Variants in AKAP7 observed in about 807,000 individuals in gnomAD.
AKAP7 encodes the protein A-kinase anchoring protein 7.
AKAP7 carries 39 observed loss-of-function variants against 39.5 expected under a neutral mutation model. The ratio of observed to expected loss-of-function variants is 0.99; its 90% CI spans 0.76 to 1.29. The LOEUF (loss-of-function observed/expected upper bound fraction) is 1.29. Among genes scored for constraint, AKAP7 ranks in the 50% most tolerant of loss-of-function variants. The probability of loss-of-function intolerance (pLI) is 0.00; values close to 1 mark genes in which losing one functional copy is unlikely to be tolerated. For synonymous variants in AKAP7, 140 were observed against 139.1 expected (o/e 1.01, Z -0.05); for missense variants, 414 against 407.7 (o/e 1.02, Z -0.13).
chr6:131,200,374 A>G (rs1197850215), intron 6 of AKAP7, among the ~76,000 whole-genome samples: 2 of 152,166 alleles, frequency 1.3e-5, no homozygotes, highest in African/African-American at 4.8e-5. Flanking sequence ...GCCTGCTCTC[A>G]TATACCAGAG....
chr6:131,190,141 A>G (rs1419851824), intron 5 of AKAP7, among the ~76,000 whole-genome samples: 1 of 152,224 alleles, frequency 6.6e-6, no homozygotes, highest in Non-Finnish European at 1.5e-5. Context: ...ATTAAGAAGT[A>G]CTTTTCAAAA....
chr6:131,209,504 CCTCCCAAAGTGCT>C (rs985391534), intron 6 of AKAP7, among the ~76,000 whole-genome samples: 6 of 152,268 alleles, frequency 3.9e-5, no homozygotes, highest in Admixed American at 3.9e-4. Context: ...CCCGCCTCGG[CCTCCCAAAGTGCT>C]GGGATTACAA....
At chr6:131,258,200 A>T (rs1437767354) in intron 7 of AKAP7, among the ~76,000 whole-genome samples, 1 of 152,222 alleles carries the variant, frequency 6.6e-6, no homozygotes, top group Non-Finnish European at 1.5e-5. Flanking sequence ...CCCATGATTC[A>T]GAAAACTCTG....
intron 2 of AKAP7, among the ~76,000 whole-genome samples, chr6:131,152,755 A>C (rs551511301): frequency 1.5e-3 from 218 of 143,418 alleles, no homozygotes; most frequent in African/African-American, 5.5e-3. Flanking sequence ...TGAACCTGGG[A>C]GGTGGAGGTT....
rs538772962 is a variant in AKAP7, at chr6:131,215,014, G to T, written c.703-4647G>T. Among the ~76,000 whole-genome samples, 8 of 148,092 alleles carry T rather than the reference G, an allele frequency of 5.4e-5. No individual in the cohort carries two copies. In the South Asian group the frequency reaches 1.5e-3, roughly 27 times the overall value. The stretch of plus-strand genomic sequence containing the variant: ...ATCTGTGGATAATAGTGTTATTGTG[G>T]TTATTAAATGAGTTCAGAAAAGTTC... On this transcript the variant is annotated intron_variant, in intron 6 of 7. Transcript: ENST00000431975.
At chr6:131,252,562 G>A (rs1812525605) in intron 7 of AKAP7, among the ~76,000 whole-genome samples, 1 of 152,144 alleles carries the variant, frequency 6.6e-6, no homozygotes, top group Non-Finnish European at 1.5e-5. Context: ...CTAAAGATAG[G>A]CTTCTGTGCC....
chr6:131,168,444 A>AAGAG lies in AKAP7; in HGVS notation c.429-652_429-649dup, dbSNP rs374239226. On this transcript the variant is annotated intron_variant, in intron 4 of 7. Coordinates refer to ENST00000431975, the MANE Select transcript of AKAP7 (RefSeq NM_016377.4). ...AGAGAAAGAGACAGAAGGAGACAGA[A>AAGAG]AGAGAGAGAGAGAGAGAGAGGGAGA... 5.4e-3 allele frequency among the ~76,000 whole-genome samples: 805 copies of AAGAG among 148,856 alleles called. 1 individual carries two copies. Among genetic ancestry groups the AAGAG allele is most frequent in the Middle Eastern group, 0.014 (4 of 282 alleles).
At chr6:131,153,871 A>G (rs115082107) in intron 2 of AKAP7, among the ~76,000 whole-genome samples, 16 of 152,304 alleles carry the variant, frequency 1.1e-4, no homozygotes, top group African/African-American at 3.8e-4. Context: ...TGAGCAATAT[A>G]CTATCTACAT....
chr6:131,163,728 T>C (rs1803208626), intron 3 of AKAP7, among the ~76,000 whole-genome samples: 1 of 152,292 alleles, frequency 6.6e-6, no homozygotes. Context: ...TATGAAAATA[T>C]GTGTTTCCAT....
chr6:131,240,300 G>A (rs2327102), intron 7 of AKAP7, among the ~76,000 whole-genome samples: 43,510 of 152,120 alleles, frequency 0.29, 6,713 homozygotes, highest in Middle Eastern at 0.39. Flanking sequence ...GGCCGTGTGA[G>A]GTGTCAGTCT....
chr6:131,141,727 C>T (rs1801045837), intron 1 of AKAP7, among the ~76,000 whole-genome samples: 1 of 152,046 alleles, frequency 6.6e-6, no homozygotes, highest in African/African-American at 2.4e-5. Flanking sequence ...GCCCATCTGA[C>T]AAGGTTGGAG....
At chr6:131,227,109 G>A (rs1810235084) in intron 7 of AKAP7, among the ~76,000 whole-genome samples, 1 of 152,184 alleles carries the variant, frequency 6.6e-6, no homozygotes, top group African/African-American at 2.4e-5. Flanking sequence ...GGAGAGTAGG[G>A]GGATAGGGGA....
At chr6:131,158,652 T>A (rs76119607) in intron 2 of AKAP7, among the ~76,000 whole-genome samples, 16,117 of 152,012 alleles carry the variant, frequency 0.11, 992 homozygotes, top group Middle Eastern at 0.2. Context: ...GACTACAGGC[T>A]TGTGCTACCA....
chr6:131,211,244 A>G (rs1808616503), intron 6 of AKAP7, among the ~76,000 whole-genome samples: 1 of 152,032 alleles, frequency 6.6e-6, no homozygotes, highest in African/African-American at 2.4e-5. Context: ...AAGATACAAA[A>G]TCCTTGTCTT....
At chr6:131,125,682 G>A in the AKAP7 span, among the ~76,000 whole-genome samples, 1 of 152,092 alleles carries the variant, frequency 6.6e-6, no homozygotes, top group African/African-American at 2.4e-5. Context: ...TTAAATATAT[G>A]GAACCCTTTG....
At chr6:131,250,723 A>G in intron 7 of AKAP7, 1 of 1,117,528 alleles carries the variant, frequency 8.9e-7, no homozygotes, top group South Asian at 1.4e-5. Context: ...TAGCAGACTA[A>G]TCAGCTATGG....
chr6:131,211,911 A>G (rs1311273759), intron 6 of AKAP7, among the ~76,000 whole-genome samples: 2 of 152,188 alleles, frequency 1.3e-5, no homozygotes, highest in South Asian at 2.1e-4. Context: ...AATGCATTTA[A>G]TACATTTACC....
At chr6:131,220,937 C>G (rs1024583557) in intron 7 of AKAP7, among the ~76,000 whole-genome samples, 2 of 152,020 alleles carry the variant, frequency 1.3e-5, no homozygotes, top group African/African-American at 4.8e-5. Context: ...CATTCATTCC[C>G]CTGTGAAGAG....
At chr6:131,197,061 C>G (rs1393109844) in intron 5 of AKAP7, among the ~76,000 whole-genome samples, 1 of 152,014 alleles carries the variant, frequency 6.6e-6, no homozygotes, top group Non-Finnish European at 1.5e-5. Flanking sequence ...TATTTTCTTT[C>G]TCTCTTTTAT....
Sources: gnomAD v4.1 joint callset for allele counts (sites outside exome capture counted in the v4.1 genomes callset) on GRCh38, gnomAD v4.1.1 for gene constraint, MANE v1.5 for transcripts, NCBI Gene and HGNC (gene_info 2026-07-23, HGNC 2026-07-21) for gene names.